Variants in HTR2C observed in about 807,000 individuals in gnomAD.
The protein encoded by HTR2C is 5-hydroxytryptamine (serotonin) receptor 2C, G protein-coupled.
In HTR2C, 5 loss-of-function variants were observed where a neutral mutation model predicts 21.0. That is an observed-to-expected ratio of 0.24 (90% CI 0.12 to 0.50). HTR2C has a LOEUF of 0.50. Among genes scored for constraint, HTR2C ranks in the 20% least tolerant of loss-of-function variants. The pLI is 0.98. For missense variants in HTR2C, 271 were observed against 371.2 expected (o/e 0.73, Z 2.22); for synonymous variants, 150 against 145.3 (o/e 1.03, Z -0.23).
intron 4 of HTR2C, among the ~76,000 whole-genome samples, chrX:114,802,000 C>T (rs1556446946): frequency 9.1e-6 from 1 of 110,385 alleles, no homozygotes; most frequent in Non-Finnish European, 1.9e-5. Context: ...ATTTTCAAAA[C>T]CACAAAGAAA....
chrX:114,739,175 A>G (rs2069620504), intron 4 of HTR2C, among the ~76,000 whole-genome samples: 1 of 111,270 alleles, frequency 9.0e-6, no homozygotes, highest in Non-Finnish European at 1.9e-5. Flanking sequence ...ACTTTGTCAG[A>G]CAGCTGGCAT....
intron 4 of HTR2C, among the ~76,000 whole-genome samples, chrX:114,734,959 T>A (rs990806736): frequency 9.0e-6 from 1 of 111,305 alleles, no homozygotes; most frequent in South Asian, 3.7e-4. Flanking sequence ...CTATAAAAAG[T>A]TTAAGTCTTT....
chrX:114,674,602 G>T (rs1444690329), intron 2 of HTR2C, among the ~76,000 whole-genome samples: 1 of 111,116 alleles, frequency 9.0e-6, no homozygotes, highest in Non-Finnish European at 1.9e-5. Context: ...CGTAATCAGG[G>T]CCAATCAATG....
At chrX:114,643,982 A>T (rs2147827926) in intron 2 of HTR2C, among the ~76,000 whole-genome samples, 1 of 110,637 alleles carries the variant, frequency 9.0e-6, no homozygotes, top group South Asian at 3.8e-4. Context: ...AAGTAAATAG[A>T]GTGTTCAAAG....
chrX:114,703,496 T>C (rs1194933181), intron 2 of HTR2C, among the ~76,000 whole-genome samples: 1 of 111,095 alleles, frequency 9.0e-6, no homozygotes, highest in Non-Finnish European at 1.9e-5. Context: ...GACATAAAGA[T>C]GTTCTTTGAA....
At chrX:114,813,086 C>G (rs1350589354) in intron 4 of HTR2C, among the ~76,000 whole-genome samples, 1 of 111,503 alleles carries the variant, frequency 9.0e-6, no homozygotes, top group East Asian at 2.8e-4. Flanking sequence ...CATGCCACCC[C>G]ACTTATAAAT....
intron 2 of HTR2C, among the ~76,000 whole-genome samples, chrX:114,631,564 AAGAC>A (rs1428630787): frequency 3.3e-4 from 37 of 111,749 alleles, no homozygotes; most frequent in Middle Eastern, 4.7e-3. Context: ...AAGTGTTAGT[AAGAC>A]AGAGAGATAA....
At chrX:114,627,669 T>A (rs1172257769) in intron 2 of HTR2C, among the ~76,000 whole-genome samples, 2 of 112,066 alleles carry the variant, frequency 1.8e-5, no homozygotes, top group Admixed American at 9.5e-5. Flanking sequence ...TCTGTCATTA[T>A]CTCTTTCATA....
intron 2 of HTR2C, among the ~76,000 whole-genome samples, chrX:114,647,797 T>C (rs186669950): frequency 6.3e-5 from 7 of 111,550 alleles, no homozygotes; most frequent in African/African-American, 2.3e-4. Context: ...GACTATGAGA[T>C]GGCCAAGCAT....
chrX:114,898,159 G>A (rs781931096), intron 5 of HTR2C, among the ~76,000 whole-genome samples: 4 of 112,794 alleles, frequency 3.5e-5, no homozygotes, highest in South Asian at 7.2e-4. Context: ...AATAATCAGC[G>A]ATGTTGAGCT....
intron 2 of HTR2C, among the ~76,000 whole-genome samples, chrX:114,649,622 T>C (rs1186764009): frequency 9.0e-6 from 1 of 111,538 alleles, no homozygotes; most frequent in East Asian, 2.8e-4. Context: ...TGTTTGTTTG[T>C]TTTTTAATTT....
At position 114,858,489 on chromosome X, in the gene HTR2C, T is replaced by C. The variant is rs1354254154; in HGVS notation, c.550+10286T>C. Among the ~76,000 whole-genome samples, 8 of 111,638 alleles carry C rather than the reference T, an allele frequency of 7.2e-5. No individual in the cohort carries two copies. The Admixed American group carries it at 7.6e-4, about 11-fold the overall frequency. On this transcript the variant is annotated intron_variant, in intron 5 of 5. Coordinates refer to ENST00000276198, the MANE Select transcript of HTR2C (RefSeq NM_000868.4). ...TGCTATTGTAAATATTTCTAGTTGC[T>C]TGCTGCTAGCATATAAAAATAAAAT...
chrX:114,652,656 G>T, intron 2 of HTR2C: 2 of 380,645 alleles, frequency 5.3e-6, no homozygotes, highest in South Asian at 4.8e-5. Context: ...GCATATAGCA[G>T]GTCCTCAATA....
chrX:114,878,315 G>T (rs1556478878), intron 5 of HTR2C, among the ~76,000 whole-genome samples: 1 of 110,287 alleles, frequency 9.1e-6, no homozygotes, highest in Non-Finnish European at 1.9e-5. Flanking sequence ...TTCATTAAAT[G>T]TTAACATATT....
At chrX:114,733,971 CA>C (rs781934935) in intron 4 of HTR2C, among the ~76,000 whole-genome samples, 2 of 110,335 alleles carry the variant, frequency 1.8e-5, no homozygotes, top group Non-Finnish European at 3.8e-5. Flanking sequence ...CAAAACACTT[CA>C]AAAAAAATCT....
At chrX:114,762,096 T>G (rs903130013) in intron 4 of HTR2C, among the ~76,000 whole-genome samples, 2 of 108,240 alleles carry the variant, frequency 1.8e-5, no homozygotes, top group South Asian at 4.0e-4. Flanking sequence ...TCTTTGAAAT[T>G]TAATTATTCC....
At chrX:114,710,712 TTTTTTATTCCC>T (rs1932879509) in intron 2 of HTR2C, among the ~76,000 whole-genome samples, 1 of 110,652 alleles carries the variant, frequency 9.0e-6, no homozygotes, top group African/African-American at 3.3e-5. Flanking sequence ...CTGAGAGGAG[TTTTTTATTCCC>T]TTTTCTATTT....
intron 2 of HTR2C, among the ~76,000 whole-genome samples, chrX:114,622,056 T>A (rs1929185999): frequency 1.8e-5 from 2 of 111,867 alleles, no homozygotes; most frequent in South Asian, 7.4e-4. Context: ...AAATGAAAGC[T>A]TTGTGGATGC....
intron 4 of HTR2C, among the ~76,000 whole-genome samples, chrX:114,846,585 A>C (rs1332954798): frequency 3.6e-5 from 4 of 112,225 alleles, no homozygotes; most frequent in Non-Finnish European, 7.5e-5. Flanking sequence ...ATTGATGCAG[A>C]AAAAGCATTT....
Sources: gnomAD v4.1 joint callset for allele counts (sites outside exome capture counted in the v4.1 genomes callset) on GRCh38, gnomAD v4.1.1 for gene constraint, MANE v1.5 for transcripts, NCBI Gene and HGNC (gene_info 2026-07-23, HGNC 2026-07-21) for gene names.